Variants in CNBD2 observed in about 807,000 individuals in gnomAD.
CNBD2 encodes cyclic nucleotide-binding domain-containing protein 2.
CNBD2 carries 64 observed loss-of-function variants against 63.7 expected under a neutral mutation model. That is an observed-to-expected ratio of 1.00 (90% CI 0.82 to 1.24). CNBD2 has a LOEUF of 1.24. CNBD2 is among the 50% of genes most tolerant of loss of function. The pLI, the probability that CNBD2 is intolerant of heterozygous loss-of-function variation, is 0.00. For synonymous variants in CNBD2, 229 were observed against 255.4 expected (o/e 0.90, Z 0.99); for missense variants, 691 against 713.5 (o/e 0.97, Z 0.36).
At chr20:36,003,397 C>T (rs537035437) in intron 8 of CNBD2, among the ~76,000 whole-genome samples, 21 of 152,082 alleles carry the variant, frequency 1.4e-4, no homozygotes, top group East Asian at 1.4e-3. Flanking sequence ...TATTTCTGAA[C>T]GTTAAGATGT....
chr20:36,007,368 T>C (rs1199321258), intron 8 of CNBD2, among the ~76,000 whole-genome samples: 4 of 151,880 alleles, frequency 2.6e-5, no homozygotes. Flanking sequence ...CAGGCTGAAG[T>C]TGAGCTCCTA....
At chr20:35,984,835 C>T in intron 6 of CNBD2, 57 bp downstream of exon 6, 2 of 1,567,312 alleles carry the variant, frequency 1.3e-6, no homozygotes, top group East Asian at 2.2e-5. Context: ...AGCTGCCTGA[C>T]TTTGTCTGTC....
At chr20:35,989,474 C>T (rs1217218777) in intron 7 of CNBD2, among the ~76,000 whole-genome samples, 3 of 152,132 alleles carry the variant, frequency 2.0e-5, no homozygotes, top group Admixed American at 2.0e-4. Flanking sequence ...TACAAGATTT[C>T]AGGAGAGGGA....
chr20:35,984,256 C>T, intron 5 of CNBD2, 118 bp downstream of exon 5: 1 of 1,032,492 alleles, frequency 9.7e-7, no homozygotes, highest in African/African-American at 1.6e-5. Context: ...AGTCAGTGTC[C>T]CGTGTGGGCC....
chr20:35,966,409 C>T (rs1332900074), upstream of CNBD2, among the ~76,000 whole-genome samples: 1 of 152,146 alleles, frequency 6.6e-6, no homozygotes, highest in Non-Finnish European at 1.5e-5. Flanking sequence ...GGAGAGTTAA[C>T]AGATATACCC....
In CNBD2 at chr20:35,987,544, TG is replaced by T. The variant is rs778188360; in HGVS notation, c.855+16del. ...ATGTTTATCAGCAAGGTGAAAAGTC[TG>T]GGGGTTGGGATGAGGGTGAACCTCT... On this transcript the variant is annotated intron_variant, in intron 7 of 11. Coordinates refer to ENST00000373973, the MANE Select transcript of CNBD2 (RefSeq NM_001365709.1). The T allele has an allele frequency of 6.1e-5, 98 of 1,613,864 alleles. No homozygotes were observed. The East Asian group carries it at 6.5e-4, about 11-fold the overall frequency.
chr20:35,991,885 ATT>A (rs201929178), intron 7 of CNBD2, among the ~76,000 whole-genome samples: 2 of 145,184 alleles, frequency 1.4e-5, no homozygotes, highest in African/African-American at 2.5e-5. Flanking sequence ...TTCTTCTTTT[ATT>A]TTTTTTTTTT....
intron 5 of CNBD2, 86 bp downstream of exon 5, chr20:35,984,224 G>C: frequency 7.3e-7 from 1 of 1,376,226 alleles, no homozygotes; most frequent in South Asian, 1.4e-5. Flanking sequence ...GCCAGGCCCA[G>C]TCCTGCCTAG....
intron 8 of CNBD2, among the ~76,000 whole-genome samples, chr20:36,001,777 G>A (rs1313946113): frequency 1.7e-4 from 25 of 150,356 alleles, no homozygotes; most frequent in Non-Finnish European, 2.2e-4. Flanking sequence ...GGGCAGAGGC[G>A]CTCCCCACAT....
At chr20:35,984,174 G>A in intron 5 of CNBD2, 36 bp downstream of exon 5, 1 of 1,566,538 alleles carries the variant, frequency 6.4e-7, no homozygotes, top group Non-Finnish European at 8.6e-7. Context: ...TCCTGGGGTG[G>A]AGTGGGTGGA....
chr20:35,975,223 G>T (rs374440716), intron 2 of CNBD2, among the ~76,000 whole-genome samples: 1 of 135,934 alleles, frequency 7.4e-6, no homozygotes, highest in Non-Finnish European at 1.5e-5. Context: ...GGATGGTCTC[G>T]ATCTCCTGAC....
intron 2 of CNBD2, among the ~76,000 whole-genome samples, chr20:35,961,359 T>G (rs2056308063): frequency 6.6e-6 from 1 of 152,252 alleles, no homozygotes. Flanking sequence ...GAGATGGTTA[T>G]TTTTAAAATC....
rs1365046495 is a variant in CNBD2 at position 35,968,790 on chromosome 20, TG to T, written c.30del (p.Trp10CysfsTer4). On this transcript the variant is annotated frameshift_variant, in exon 1 of 12. Coordinates refer to ENST00000373973, the MANE Select transcript of CNBD2 (RefSeq NM_001365709.1). LOFTEE classifies it high-confidence loss of function. Reference sequence around the variant, plus strand: ...GAGGAGACATATGGTAACTTATGCCTGGCAGCTCCTGAAGAAGGAACTGGTG... The same window carrying T: ...GAGGAGACATATGGTAACTTATGCCTGCAGCTCCTGAAGAAGGAACTGGTG... Reference protein sequence around the residue: MRRHMVTYAWQLLKKELGLY... With the variant: MRRHMVTYAXQLLKKELGLY... 63 of 1,608,520 alleles carry T rather than the reference TG, an allele frequency of 3.9e-5. No homozygotes were observed. Among genetic ancestry groups the T allele is most frequent in the Non-Finnish European group, 5.1e-5 (60 of 1,178,102 alleles).
chr20:35,984,290 A>G (rs1232322838), intron 5 of CNBD2, 152 bp downstream of exon 5: 2 of 779,430 alleles, frequency 2.6e-6, no homozygotes, highest in South Asian at 3.8e-5. Context: ...ATGCTAATTG[A>G]GTTGGACTAA....
downstream of CNBD2, among the ~76,000 whole-genome samples, chr20:35,956,539 T>C (rs2056258757): frequency 2.0e-5 from 3 of 152,182 alleles, no homozygotes; most frequent in Admixed American, 1.3e-4. Flanking sequence ...TGCTCTCAGG[T>C]TGTTGCTTTA....
At position 35,995,187 on chromosome 20, in the gene CNBD2, G is replaced by A. The variant is rs1453219128; in HGVS notation, c.970+35G>A. ...CTTGGCCTGTCTGACAGCAGGGGGC[G>A]CCTGGGCCTGTCCTGTTTCCAGTTC... is the stretch of plus-strand genomic sequence containing the variant. On this transcript the variant is annotated intron_variant, in intron 8 of 11. Transcript: ENST00000373973. 13 of 1,427,508 alleles carry A rather than the reference G, an allele frequency of 9.1e-6. No homozygotes were observed. The East Asian group carries it at 9.1e-5, about 10-fold the overall frequency. The allele number at this position is 1,427,508 out of a possible 1,614,324, so 88.4% of individuals were successfully genotyped here. A position where few individuals can be genotyped will look rare whatever the true frequency, so the allele number is the denominator to read the frequency against.
At chr20:35,958,158 C>G (rs1249346396), downstream of CNBD2, among the ~76,000 whole-genome samples, 1 of 152,176 alleles carries the variant, frequency 6.6e-6, no homozygotes, top group African/African-American at 2.4e-5. Flanking sequence ...ATTGGCCAAG[C>G]ATGGTGGCTC....
intron 11 of CNBD2, among the ~76,000 whole-genome samples, chr20:36,029,380 A>C (rs1396180935): frequency 6.6e-6 from 1 of 152,212 alleles, no homozygotes; most frequent in Non-Finnish European, 1.5e-5. Context: ...TTGAGAGTTA[A>C]TGGAACTTTT....
intron 7 of CNBD2, among the ~76,000 whole-genome samples, chr20:35,994,343 G>A (rs1175566060): frequency 6.6e-6 from 1 of 151,546 alleles, no homozygotes; most frequent in Non-Finnish European, 1.5e-5. Context: ...AGGATTACAG[G>A]CGTGAGCCAC....
Sources: gnomAD v4.1 joint callset for allele counts (sites outside exome capture counted in the v4.1 genomes callset) on GRCh38, gnomAD v4.1.1 for gene constraint, MANE v1.5 for transcripts, NCBI Gene and HGNC (gene_info 2026-07-23, HGNC 2026-07-21) for gene names.